Variants in POLE observed in about 807,000 individuals in gnomAD.
The protein encoded by POLE is DNA polymerase epsilon, catalytic subunit.
POLE carries 188 observed loss-of-function variants against 279.2 expected under a neutral mutation model. That is an observed-to-expected ratio of 0.67 (90% CI 0.60 to 0.76). POLE has a LOEUF of 0.76. Among genes scored for constraint, POLE ranks in the 30% least tolerant of loss-of-function variants. POLE has a pLI of 0.00. For synonymous variants in POLE, 1,214 were observed against 1,172.5 expected (o/e 1.04, Z -0.72); for missense variants, 2,703 against 3,016.7 (o/e 0.90, Z 2.44).
intron 25 of POLE, chr12:132,659,781 T>G: frequency 2.6e-6 from 1 of 391,884 alleles, no homozygotes; most frequent in Non-Finnish European, 4.7e-6. Context: ...AAACCTCCCC[T>G]CCTGGGTTCA....
chr12:132,630,755 A>C (rs1171784599), intron 45 of POLE, among the ~76,000 whole-genome samples: 2 of 152,226 alleles, frequency 1.3e-5, no homozygotes, highest in African/African-American at 4.8e-5. Flanking sequence ...CGCCAGGGAA[A>C]TGCAAATCAG....
chr12:132,657,716 A>G, intron 27 of POLE, 152 bp downstream of exon 27: 1 of 691,422 alleles, frequency 1.4e-6, no homozygotes, highest in Non-Finnish European at 2.5e-6. Flanking sequence ...TTTGCCCTAA[A>G]AGGTTATTAG....
intron 16 of POLE, among the ~76,000 whole-genome samples, chr12:132,671,506 T>C (rs2042927088): frequency 6.6e-6 from 1 of 150,534 alleles, no homozygotes; most frequent in Non-Finnish European, 1.5e-5. Flanking sequence ...CTGTCTCTAC[T>C]AAAAATACAA....
At chr12:132,641,209 G>A (rs1328593533) in intron 39 of POLE, 13 of 387,228 alleles carry the variant, frequency 3.4e-5, no homozygotes, top group Admixed American at 6.0e-5. Context: ...TGGGTAATGC[G>A]AGTAGCTGCC....
At chr12:132,633,113 C>A in intron 43 of POLE, 2 of 198,506 alleles carry the variant, frequency 1.0e-5, no homozygotes, top group Non-Finnish European at 2.0e-5. Context: ...CCCCTGGCAT[C>A]AGCAAGCTTC....
At chr12:132,624,875 C>A in intron 48 of POLE, 30 bp downstream of exon 48, 1 of 1,602,566 alleles carries the variant, frequency 6.2e-7, no homozygotes, top group Non-Finnish European at 8.6e-7. Flanking sequence ...GGAGGCCAGG[C>A]TGAGCCGAGG....
rs1187751865 is a variant in POLE at position 132,638,139 on chromosome 12, C to G, written c.5553G>C (p.Gln1851His). Reference protein sequence around the residue: ...LHNMMKKLFLQLIAEFKRLGS... With the variant: ...LHNMMKKLFLHLIAEFKRLGS... Reference sequence around the variant, plus strand: ...CCAGGCGCTTGAACTCAGCGATGAGCCTGTGGAGCAAGTTGAGAGTCCGTG... The same window carrying G: ...CCAGGCGCTTGAACTCAGCGATGAGGCTGTGGAGCAAGTTGAGAGTCCGTG... The change falls in exon 41 of 49, where the codon CAG (glutamine) becomes CAC (histidine). Residue 1851 changes from glutamine to histidine, a missense_variant and splice_region_variant. Coordinates refer to ENST00000320574, the MANE Select transcript of POLE (RefSeq NM_006231.4). 4.3e-6 allele frequency: 7 copies of G among 1,613,250 alleles called. No homozygotes were observed. Among genetic ancestry groups the G allele is most frequent in the Non-Finnish European group, 5.9e-6 (7 of 1,179,578 alleles).
In POLE at chr12:132,649,468, C is replaced by T. The variant is rs759189673; in HGVS notation, c.3843G>A (p.Leu1281=). 1.2e-6 allele frequency: 2 copies of T among 1,612,104 alleles called. No individual in the cohort carries two copies. The highest frequency in any genetic ancestry group is 1.7e-6 in the Non-Finnish European group (2 of 1,179,980). Residue 1281 remains leucine (L), a synonymous_variant, in exon 31 of 49, where the codon CTG becomes CTA. Transcript: ENST00000320574. ...WLRFHKKKWQ[L]QARQRLARRK... ...TGCGGGCGAGGCGCTGCCGGGCCTGCAGCTGCCACTTCTTCTTGTGGAACC... is the reference window on the plus strand; with the variant it reads ...TGCGGGCGAGGCGCTGCCGGGCCTGTAGCTGCCACTTCTTCTTGTGGAACC...
intron 15 of POLE, 142 bp from the exon 16 acceptor site, chr12:132,672,464 G>A: frequency 9.9e-7 from 1 of 1,012,936 alleles, no homozygotes; most frequent in Non-Finnish European, 1.5e-6. Flanking sequence ...GCAGTGCACT[G>A]CCCTAAAGAA....
chr12:132,643,131 C>G, intron 35 of POLE, 93 bp downstream of exon 35: 2 of 1,493,470 alleles, frequency 1.3e-6, no homozygotes, highest in Non-Finnish European at 1.8e-6. Flanking sequence ...CCCTTGAGGA[C>G]AAGACCTGGA....
At chr12:132,677,918 C>T (rs1418575438) in intron 6 of POLE, among the ~76,000 whole-genome samples, 199 bp from the exon 7 acceptor site, 1 of 152,230 alleles carries the variant, frequency 6.6e-6, no homozygotes, top group African/African-American at 2.4e-5. Flanking sequence ...CAGCTCACGC[C>T]TGTAATCCCA....
intron 25 of POLE, chr12:132,660,464 GA>G (rs1761287071): frequency 6.6e-6 from 1 of 152,514 alleles, no homozygotes; most frequent in Admixed American, 6.5e-5. Context: ...TATGCACCGA[GA>G]TATCTCGTTC....
rs768700204 is a variant in POLE at position 132,643,817 on chromosome 12, G to A, written c.4290+20C>T. ...TGCTGGAGCCTCCCCCAGTTCAGTC[G>A]AGGGTGGCTGGGGAGTCACCTGAGT... On this transcript the variant is annotated intron_variant, in intron 33 of 48. Transcript: ENST00000320574. The A allele has an allele frequency of 6.8e-6, 11 of 1,610,060 alleles. No individual in the cohort carries two copies. The highest frequency in any genetic ancestry group is 1.7e-4 in the Middle Eastern group (1 of 6,042).
intron 3 of POLE, 84 bp from the exon 4 acceptor site, chr12:132,680,306 T>A: frequency 1.5e-6 from 2 of 1,293,774 alleles, no homozygotes; most frequent in Admixed American, 3.4e-5. Context: ...TGCTCCTATA[T>A]CCCATGAACA....
chr12:132,682,484 C>CA (rs1034383825), intron 1 of POLE, among the ~76,000 whole-genome samples: 6 of 150,148 alleles, frequency 4.0e-5, no homozygotes, highest in African/African-American at 1.5e-4. Context: ...AACTTCGTCT[C>CA]AAAAAAATAA....
rs749342382 is a variant in POLE at position 132,632,383 on chromosome 12, G to A, written c.6262C>T (p.Pro2088Ser). The A allele has an allele frequency of 3.6e-5, 58 of 1,614,030 alleles. No individual in the cohort carries two copies. Among genetic ancestry groups the A allele is most frequent in the Non-Finnish European group, 4.7e-5 (55 of 1,179,984 alleles). Residue 2088 changes from proline (P) to serine (S), a missense_variant, in exon 45 of 49, where the codon CCT (proline) becomes TCT (serine). By Grantham distance (74) the Pro-to-Ser change is moderately conservative. This residue lies in a region of POLE where 1,551 missense variants were observed against 1,686.1 expected (regional missense o/e 0.92). Transcript: ENST00000320574. ...AGCAAGTGGGAACCGGGGAGGACAG[G>A]AAACATCTCTGAGAGCTCAGTGGAG... ...RNSTELSEMF[P>S]VLPGSHLLLN...
chr12:132,659,195 C>T (rs2042620688), intron 26 of POLE, 100 bp downstream of exon 26: 2 of 1,251,620 alleles, frequency 1.6e-6, no homozygotes, highest in Admixed American at 4.3e-5. Context: ...CCTCACCTCT[C>T]TGTGATGAGG....
chr12:132,679,858 C>G (rs1427860985), intron 5 of POLE, 96 bp downstream of exon 5: 1 of 1,045,488 alleles, frequency 9.6e-7, no homozygotes, highest in Non-Finnish European at 1.4e-6. Flanking sequence ...CATCACCCAA[C>G]AGATGACCTG....
chr12:132,627,160 G>A (rs999022656), intron 45 of POLE, among the ~76,000 whole-genome samples: 1 of 152,116 alleles, frequency 6.6e-6, no homozygotes, highest in Non-Finnish European at 1.5e-5. Context: ...GGGTGCACCT[G>A]TGATCCCAGC....
Sources: gnomAD v4.1 joint callset for allele counts (sites outside exome capture counted in the v4.1 genomes callset) on GRCh38, gnomAD v4.1.1 for gene constraint, gnomAD v4.1.1 regional missense constraint, MANE v1.5 for transcripts, NCBI Gene and HGNC (gene_info 2026-07-23, HGNC 2026-07-21) for gene names.